Variants in SLC39A3 observed in about 807,000 individuals in gnomAD.
The protein encoded by SLC39A3 is solute carrier family 39 member 3.
In SLC39A3, 3 loss-of-function variants were observed where a neutral mutation model predicts 5.1. The ratio of observed to expected loss-of-function variants is 0.59; its 90% confidence interval spans 0.27 to 1.54. The LOEUF (loss-of-function observed/expected upper bound fraction) is 1.54, where lower values mean the gene tolerates loss of function less well. SLC39A3 is among the 40% of genes most tolerant of loss of function. The probability of loss-of-function intolerance (pLI) is 0.12; values close to 1 mark genes in which losing one functional copy is unlikely to be tolerated. For synonymous variants in SLC39A3, 250 were observed against 218.8 expected (o/e 1.14, Z -1.26); for missense variants, 412 against 436.4 (o/e 0.94, Z 0.50).
At chr19:2,736,121 G>C in intron 2 of SLC39A3, 1 of 985,522 alleles carries the variant, frequency 1.0e-6, no homozygotes, top group Non-Finnish European at 1.2e-6. Context: ...CCACACTCTG[G>C]GCTGCTGATA....
Position 2,734,200 on chromosome 19 carries a change from G to A in SLC39A3, c.211-715C>T, listed in dbSNP as rs1914284689. Among the ~76,000 whole-genome samples the A allele has an allele frequency of 6.6e-6, 1 of 152,228 alleles. No individual in the cohort carries two copies. Among genetic ancestry groups the A allele is most frequent in the South Asian group, 2.1e-4 (1 of 4,836 alleles). ...ATTAGGCTATGCGCCAGGATGAAAT[G>A]TCTCATGAAAGGCAGGCTGTAAACG... On this transcript the variant is annotated intron_variant, in intron 2 of 2. Transcript: ENST00000269740. This position sits in a 1 kb window ranked among gnomAD's most constrained non-coding sequence, Gnocchi z 4.6.
At chr19:2,736,962 G>C (rs754404413) in intron 2 of SLC39A3, 86 bp downstream of exon 2, 1 of 1,586,376 alleles carries the variant, frequency 6.3e-7, no homozygotes. Context: ...GGCCTTCACT[G>C]AACTTGGCAT....
rs757029592 is a variant in SLC39A3 at position 2,733,345 on chromosome 19, G to A, written c.351C>T (p.Asp117=). The A allele has an allele frequency of 8.7e-6, 14 of 1,613,126 alleles. No homozygotes were observed. In the South Asian group the frequency reaches 1.1e-4, roughly 13 times the overall value. The part of the protein sequence containing the change: ...TFRKEKPSFI[D]LETFNAGSDV... ...CCGATCCGGCGTTGAAGGTCTCCAG[G>A]TCGATGAAGGACGGCTTCTCCTTGC... Residue 117 remains aspartate (D), a synonymous_variant, in exon 3 of 3, where the codon GAC becomes GAT. Transcript: ENST00000269740. The surrounding 1 kb of genome is among the most constrained non-coding windows in gnomAD (Gnocchi z 6.1).
chr19:2,733,286 A>C lies in SLC39A3; in HGVS notation c.410T>G (p.Phe137Cys), dbSNP rs1474973421. The change falls in exon 3 of 3, where the codon TTC (phenylalanine) becomes TGC (cysteine). Residue 137 changes from phenylalanine to cysteine, a missense_variant. By Grantham distance (205) the Phe-to-Cys change is radical (BLOSUM62 -2). Transcript: ENST00000269740. This position sits in a 1 kb window ranked among gnomAD's most constrained non-coding sequence, Gnocchi z 6.1. ...VGSDSEYESPFMGGARGHALY... is the reference protein window; with the variant it reads ...VGSDSEYESPCMGGARGHALY... ...CGCGTGGCCCCGCGCGCCCCCCATG[A>C]AGGGGCTCTCATACTCCGAGTCGCT... 1.9e-6 allele frequency: 3 copies of C among 1,612,818 alleles called. No homozygotes were observed. The highest frequency in any genetic ancestry group is 2.5e-6 in the Non-Finnish European group (3 of 1,179,982).
chr19:2,736,548 C>G (rs1914375069), intron 2 of SLC39A3: 1 of 253,812 alleles, frequency 3.9e-6, no homozygotes, highest in Non-Finnish European at 6.8e-6. Flanking sequence ...GCCGACCCAT[C>G]CCCGGTTGAA....
At position 2,738,147 on chromosome 19, in the gene SLC39A3, C is replaced by G. The variant is rs556019161; in HGVS notation, c.-122-768G>C. On this transcript the variant is annotated intron_variant, in intron 1 of 2. Coordinates refer to ENST00000269740, the MANE Select transcript of SLC39A3 (RefSeq NM_144564.5). ...CCAGGAGGCAGAGGTTGCAGTGAGC[C>G]AAGATGGCACCACCGCACTCCAGGC... Among the ~76,000 whole-genome samples the G allele has an allele frequency of 3.1e-5, 4 of 130,206 alleles. No individual in the cohort carries two copies. The East Asian group carries it at 9.5e-4, about 31-fold the overall frequency. The allele number at this position is 130,206 out of a possible 152,430, so 85.4% of individuals were successfully genotyped here.
Position 2,733,763 on chromosome 19 carries a change from G to A in SLC39A3, c.211-278C>T, listed in dbSNP as rs1914271846. On this transcript the variant is annotated intron_variant, in intron 2 of 2. Coordinates refer to ENST00000269740, the MANE Select transcript of SLC39A3 (RefSeq NM_144564.5). The surrounding 1 kb of genome is among the most constrained non-coding windows in gnomAD (Gnocchi z 6.1). ...TCGAGACCAGCCTGGCCAATATGGG[G>A]AAACATGTTTCTACTAAAAATACAA... Among the ~76,000 whole-genome samples the A allele has an allele frequency of 6.6e-6, 1 of 152,146 alleles. No individual in the cohort carries two copies. Among genetic ancestry groups the A allele is most frequent in the African/African-American group, 2.4e-5 (1 of 41,426 alleles).
Position 2,737,282 on chromosome 19 carries a change from C to A in SLC39A3, c.-25G>T. On this transcript the variant is annotated 5_prime_UTR_variant, in exon 2 of 3. Transcript: ENST00000269740. ...TGGTGGCGGCTTGGGCTGCTCTGGT[C>A]ACTGCAGGGCCAAACCATCTGTGGG... 6.3e-7 allele frequency: 1 copy of A among 1,583,368 alleles called. No homozygotes were observed. Among genetic ancestry groups the A allele is most frequent in the South Asian group, 1.1e-5 (1 of 87,356 alleles).
chr19:2,736,746 C>T, intron 2 of SLC39A3: 1 of 1,429,400 alleles, frequency 7.0e-7, no homozygotes, highest in Non-Finnish European at 9.1e-7. Flanking sequence ...AGAGGCCATG[C>T]TTTCCAGCTT....
Position 2,733,436 on chromosome 19 carries a change from G to A in SLC39A3, c.260C>T (p.Ala87Val). ...GAAGCCCAGCAGGAGGATGGTTTCG[G>A]CCAGCGGGTAGTCGGTGCTGATGTG... ...LGHISTDYPL[A>V]ETILLLGFFM... Residue 87 changes from alanine (A) to valine (V), a missense_variant, in exon 3 of 3, where the codon GCC becomes GTC. Physicochemically the swap from Ala to Val is moderately conservative, Grantham distance 64. Transcript: ENST00000269740. This position sits in a 1 kb window ranked among gnomAD's most constrained non-coding sequence, Gnocchi z 6.1. 1 of 1,612,892 alleles carries A rather than the reference G, an allele frequency of 6.2e-7. No homozygotes were observed. The highest frequency in any genetic ancestry group is 8.5e-7 in the Non-Finnish European group (1 of 1,180,010).
At chr19:2,739,728 G>A (rs1914489342) in intron 1 of SLC39A3, among the ~76,000 whole-genome samples, 1 of 152,160 alleles carries the variant, frequency 6.6e-6, no homozygotes, top group African/African-American at 2.4e-5. Flanking sequence ...GGTGAGGGTG[G>A]CCTGCACGCT....
In SLC39A3 at chr19:2,735,134, G is replaced by A. The variant is rs955750815; in HGVS notation, c.211-1649C>T. 1.1e-5 allele frequency: 11 copies of A among 985,172 alleles called. No individual in the cohort carries two copies. The highest frequency in any genetic ancestry group is 1.7e-5 in the African/African-American group (1 of 57,204). The allele number at this position is 985,172 out of a possible 1,614,324, so 61.0% of individuals were successfully genotyped here. A position where few individuals can be genotyped will look rare whatever the true frequency, so the allele number is the denominator to read the frequency against. On this transcript the variant is annotated intron_variant, in intron 2 of 2. Transcript: ENST00000269740. This position sits in a 1 kb window ranked among gnomAD's most constrained non-coding sequence, Gnocchi z 5.7. Reference sequence around the variant, plus strand: ...CCCAGGCCTGCAGTCAGAGGGTGACGGGGGTGACACCATGACCATGGGGGA... The same window carrying A: ...CCCAGGCCTGCAGTCAGAGGGTGACAGGGGTGACACCATGACCATGGGGGA...
chr19:2,735,724 C>G lies in SLC39A3; in HGVS notation c.210+1324G>C. 2.0e-6 allele frequency: 1 copy of G among 512,494 alleles called. No individual in the cohort carries two copies. Among genetic ancestry groups the G allele is most frequent in the Non-Finnish European group, 2.5e-6 (1 of 398,522 alleles). 31.7% of individuals were successfully genotyped at this position (512,494 alleles called of 1,614,324 possible). Reference sequence around the variant, plus strand: ...TTCTGACATAATGGCAGGAGTGACACGCACGGCAGTCCCAGCCCTACCCAC... The same window carrying G: ...TTCTGACATAATGGCAGGAGTGACAGGCACGGCAGTCCCAGCCCTACCCAC... On this transcript the variant is annotated intron_variant, in intron 2 of 2. Coordinates refer to ENST00000269740, the MANE Select transcript of SLC39A3 (RefSeq NM_144564.5). This position sits in a 1 kb window ranked among gnomAD's most constrained non-coding sequence, Gnocchi z 5.7.
At chr19:2,738,283 C>T (rs898377302) in intron 1 of SLC39A3, among the ~76,000 whole-genome samples, 3 of 151,758 alleles carry the variant, frequency 2.0e-5, no homozygotes, top group African/African-American at 7.3e-5. Flanking sequence ...GCTCAGTAGT[C>T]ACACAAGCCT....
At position 2,737,229 on chromosome 19, in the gene SLC39A3, A is replaced by G; in HGVS notation, c.29T>C (p.Leu10Pro). The G allele has an allele frequency of 5.0e-6, 8 of 1,614,056 alleles. No homozygotes were observed. The highest frequency in any genetic ancestry group is 6.8e-6 in the Non-Finnish European group (8 of 1,179,982). ...GAAGAAGAACACGCCCACCATGCAC[A>G]GGATTTTGGCCACTAGCAATTTCAC... Reference protein sequence around the residue: MVKLLVAKILCMVGVFFFML... With the variant: MVKLLVAKIPCMVGVFFFML... The change falls in exon 2 of 3, where the codon CTG (leucine) becomes CCG (proline). Residue 10 changes from leucine (L) to proline (P), a missense_variant. Physicochemically the swap from Leu to Pro is moderately conservative, Grantham distance 98. Coordinates refer to ENST00000269740, the MANE Select transcript of SLC39A3 (RefSeq NM_144564.5).
intron 1 of SLC39A3, among the ~76,000 whole-genome samples, chr19:2,738,180 C>A (rs911498939): frequency 9.7e-4 from 82 of 84,738 alleles, no homozygotes; most frequent in Middle Eastern, 0.011. Context: ...GGCTGGGCAA[C>A]AAGAGCAAAA....
intron 1 of SLC39A3, among the ~76,000 whole-genome samples, chr19:2,738,217 A>C (rs1914437146): frequency 6.6e-6 from 1 of 151,702 alleles, no homozygotes; most frequent in African/African-American, 2.4e-5. Context: ...AAAAAAAAAA[A>C]AAACTAAATA....
At position 2,732,970 on chromosome 19, in the gene SLC39A3, C is replaced by T; in HGVS notation, c.726G>A (p.Leu242=). The change falls in exon 3 of 3, where the codon CTG becomes CTA. Residue 242 remains leucine, a synonymous_variant. Coordinates refer to ENST00000269740, the MANE Select transcript of SLC39A3 (RefSeq NM_144564.5). ...LAVTVSAMIP[L]GIGLGLGIES... ...CAATGCCCAGGCCCAGGCCGATGCC[C>T]AGGGGGATCATGGCGCTTACGGTGA... 1.9e-6 allele frequency: 3 copies of T among 1,602,698 alleles called. No individual in the cohort carries two copies. Among genetic ancestry groups the T allele is most frequent in the Non-Finnish European group, 2.6e-6 (3 of 1,173,634 alleles).
chr19:2,736,819 A>C (rs1220180545), intron 2 of SLC39A3: 1 of 1,460,312 alleles, frequency 6.8e-7, no homozygotes. Context: ...ACAACCGACA[A>C]GTCCACCTGT....
Sources: gnomAD v4.1 joint callset for allele counts (sites outside exome capture counted in the v4.1 genomes callset) on GRCh38, gnomAD v4.1.1 for gene constraint, Gnocchi (gnomAD v3.1) non-coding constraint, MANE v1.5 for transcripts, NCBI Gene and HGNC (gene_info 2026-07-23, HGNC 2026-07-21) for gene names.